Variants in EFHC1 observed in about 807,000 individuals in gnomAD.
EFHC1 encodes the protein EF-hand domain containing 1.
In EFHC1, 53 loss-of-function variants were observed where a neutral mutation model predicts 69.9. That is an observed-to-expected ratio of 0.76 (90% CI 0.61 to 0.95). The LOEUF is 0.95. Ranked by LOEUF, EFHC1 falls within the 40% of genes least tolerant of loss-of-function variation. EFHC1 has a pLI of 0.00. For synonymous variants in EFHC1, 256 were observed against 278.4 expected (o/e 0.92, Z 0.80); for missense variants, 739 against 798.7 (o/e 0.93, Z 0.90).
In EFHC1 at chr6:52,495,687, C is replaced by T. The variant is rs1410888771; in HGVS notation, c.*3346C>T. ...CACTGCAGCCTCAAACTCCTGGGCTCATGCAATCCTCCTGCCTCAGCCTTC... is the reference window on the plus strand; with the variant it reads ...CACTGCAGCCTCAAACTCCTGGGCTTATGCAATCCTCCTGCCTCAGCCTTC... On this transcript the variant is annotated 3_prime_UTR_variant, in exon 11 of 11. Transcript: ENST00000371068. The T allele has an allele frequency of 4.6e-6, 2 of 431,326 alleles. No homozygotes were observed. The highest frequency in any genetic ancestry group is 2.5e-5 in the Admixed American group (1 of 40,776). 26.7% of individuals were successfully genotyped at this position (431,326 alleles called of 1,614,324 possible).
chr6:52,440,907 T>C (rs1764648681), intron 3 of EFHC1, among the ~76,000 whole-genome samples: 1 of 152,172 alleles, frequency 6.6e-6, no homozygotes, highest in Non-Finnish European at 1.5e-5. Flanking sequence ...TTTTTTTTCA[T>C]ATGGTTATTG....
chr6:52,488,087 C>G (rs1195288953), intron 9 of EFHC1: 1 of 152,184 alleles, frequency 6.6e-6, no homozygotes, highest in African/African-American at 2.4e-5. Flanking sequence ...GGGAATCTGG[C>G]TTCTTTGGGA....
intron 2 of EFHC1, 150 bp from the exon 3 acceptor site, chr6:52,438,154 G>C: frequency 1.3e-6 from 1 of 787,576 alleles, no homozygotes; most frequent in African/African-American, 1.7e-5. Flanking sequence ...TGCAGTATCT[G>C]TAGTTTTAGA....
chr6:52,454,243 T>G lies in EFHC1; in HGVS notation c.872T>G (p.Leu291Arg), dbSNP rs1764989278. 3.7e-6 allele frequency: 6 copies of G among 1,614,102 alleles called. No homozygotes were observed. The highest frequency in any genetic ancestry group is 1.6e-4 in the Middle Eastern group (1 of 6,084). ...RNDGRDPFPLLMNRQRVPKVL... is the reference protein window; with the variant it reads ...RNDGRDPFPLRMNRQRVPKVL... Reference sequence around the variant, plus strand: ...GATGGGAGAGATCCTTTCCCACTCCTAATGAACCGCCAGCGTGTGCCCAAA... The same window carrying G: ...GATGGGAGAGATCCTTTCCCACTCCGAATGAACCGCCAGCGTGTGCCCAAA... Residue 291 changes from leucine to arginine, a missense_variant, in exon 5 of 11, where the codon CTA becomes CGA. Leu to Arg is a moderately radical substitution (Grantham distance 102, BLOSUM62 -2). Transcript: ENST00000371068.
intron 2 of EFHC1, among the ~76,000 whole-genome samples, chr6:52,436,410 G>C (rs760597256): frequency 3.3e-5 from 5 of 151,558 alleles, no homozygotes; most frequent in Non-Finnish European, 7.4e-5. Flanking sequence ...TCCGTGTATA[G>C]AATTATTTCA....
At chr6:52,444,693 G>A (rs1436565507) in intron 3 of EFHC1, among the ~76,000 whole-genome samples, 2 of 152,160 alleles carry the variant, frequency 1.3e-5, no homozygotes, top group Admixed American at 6.5e-5. Context: ...CGGTTTGCCA[G>A]TATTTTATGG....
rs1221173638 is a variant in EFHC1, at chr6:52,494,852, CCATGTTGCTGCAGAATA to C, written c.*2516_*2532del. The C allele has an allele frequency of 2.2e-6, 1 of 451,978 alleles. No individual in the cohort carries two copies. The highest frequency in any genetic ancestry group is 1.6e-5 in the South Asian group (1 of 64,344). 28.0% of individuals were successfully genotyped at this position (451,978 alleles called of 1,614,324 possible). On this transcript the variant is annotated 3_prime_UTR_variant, in exon 11 of 11. Transcript: ENST00000371068. ...TTAGGATAATGGCCTCCAGCTGCATCCATGTTGCTGCAGAATACATGATTTCATTTTTTATGGCTGCG... is the reference window on the plus strand; with the variant it reads ...TTAGGATAATGGCCTCCAGCTGCATCCATGATTTCATTTTTTATGGCTGCG...
chr6:52,453,572 ATTT>A lies in EFHC1; in HGVS notation c.724-521_724-519del, dbSNP rs1362143893. The A allele has an allele frequency of 7.9e-6, 10 of 1,271,674 alleles. No homozygotes were observed. In the Admixed American group the frequency reaches 1.9e-4, roughly 25 times the overall value. 78.8% of individuals were successfully genotyped at this position (1,271,674 alleles called of 1,614,324 possible). ...TCATATCAGTCATATATCTGTTATT[ATTT>A]TGTATTTAAAGATTGTGTTTATTCC... On this transcript the variant is annotated intron_variant, in intron 4 of 10. Transcript: ENST00000371068.
At chr6:52,468,814 A>G (rs1293910239) in intron 6 of EFHC1, 2 of 165,144 alleles carry the variant, frequency 1.2e-5, no homozygotes, top group South Asian at 3.0e-4. Flanking sequence ...CATGATTACC[A>G]CATTAACTAC....
intron 9 of EFHC1, chr6:52,486,786 A>G (rs748535586): frequency 1.3e-5 from 2 of 151,944 alleles, no homozygotes; most frequent in Non-Finnish European, 2.9e-5. Context: ...GTCTGTAACC[A>G]CTTTCCTCCT....
At chr6:52,477,818 A>G (rs1006708015) in intron 7 of EFHC1, among the ~76,000 whole-genome samples, 10 of 152,206 alleles carry the variant, frequency 6.6e-5, no homozygotes, top group African/African-American at 2.4e-4. Flanking sequence ...ACACTTTTAC[A>G]CTGTTGGTGG....
At chr6:52,425,936 T>C (rs2113968339) in intron 2 of EFHC1, among the ~76,000 whole-genome samples, 1 of 152,304 alleles carries the variant, frequency 6.6e-6, no homozygotes, top group African/African-American at 2.4e-5. Flanking sequence ...CTATTCCAAG[T>C]GCCCTCATCT....
Position 52,420,472 on chromosome 6 carries a change from C to A in EFHC1, c.62C>A (p.Thr21Lys). 1 of 1,614,188 alleles carries A rather than the reference C, an allele frequency of 6.2e-7. No individual in the cohort carries two copies. The highest frequency in any genetic ancestry group is 8.5e-7 in the Non-Finnish European group (1 of 1,180,030). Reference protein sequence around the residue: ...FLPGTSFKDSTKTAFHRSQTL... With the variant: ...FLPGTSFKDSKKTAFHRSQTL... ...CCGGGCACGTCCTTTAAGGACTCTACGGTGAGCAGTTATCTGCCAGACTCC... is the reference window on the plus strand; with the variant it reads ...CCGGGCACGTCCTTTAAGGACTCTAAGGTGAGCAGTTATCTGCCAGACTCC... Residue 21 changes from threonine to lysine, a missense_variant and splice_region_variant, in exon 1 of 11, where the codon ACG becomes AAG. Transcript: ENST00000371068.
Position 52,424,132 on chromosome 6 carries a change from G to A in EFHC1, c.250G>A (p.Asp84Asn). 6.2e-7 allele frequency: 1 copy of A among 1,614,098 alleles called. No individual in the cohort carries two copies. The highest frequency in any genetic ancestry group is 8.5e-7 in the Non-Finnish European group (1 of 1,179,964). Residue 84 changes from aspartate (D) to asparagine (N), a missense_variant, in exon 2 of 11, where the codon GAT becomes AAT. By Grantham distance (23) the Asp-to-Asn change is conservative (BLOSUM62 1). Transcript: ENST00000371068. ...YGQPKQAPPA[D>N]FIPAHVAFDK... ...CCAACCTAAACAAGCCCCACCTGCGGATTTTATTCCTGCGCATGTGGCCTT... is the reference window on the plus strand; with the variant it reads ...CCAACCTAAACAAGCCCCACCTGCGAATTTTATTCCTGCGCATGTGGCCTT...
At chr6:52,449,837 T>C (rs1054495615) in intron 3 of EFHC1, among the ~76,000 whole-genome samples, 2 of 152,224 alleles carry the variant, frequency 1.3e-5, no homozygotes, top group Non-Finnish European at 2.9e-5. Context: ...TGGTTATTCC[T>C]TGTCTTCTGC....
In EFHC1 at chr6:52,420,342, A is replaced by G. The variant is rs532246160; in HGVS notation, c.-69A>G. 6.2e-7 allele frequency: 1 copy of G among 1,600,256 alleles called. No homozygotes were observed. The highest frequency in any genetic ancestry group is 8.6e-7 in the Non-Finnish European group (1 of 1,167,454). On this transcript the variant is annotated 5_prime_UTR_variant, in exon 1 of 11. Coordinates refer to ENST00000371068, the MANE Select transcript of EFHC1 (RefSeq NM_018100.4). ...ATGGATCCTGGAGGTGCCCGCGAAC[A>G]CTGCTTGTCGCCTGGGCAACCGGAG...
chr6:52,430,166 T>C (rs1320106231), intron 2 of EFHC1: 1 of 152,192 alleles, frequency 6.6e-6, no homozygotes, highest in Non-Finnish European at 1.5e-5. Context: ...CAGTGACAGT[T>C]TGACTTCTTT....
chr6:52,478,303 A>T (rs1765589063), intron 7 of EFHC1, among the ~76,000 whole-genome samples: 1 of 152,086 alleles, frequency 6.6e-6, no homozygotes, highest in Non-Finnish European at 1.5e-5. Context: ...GAGGGATAGC[A>T]TTGGGAGATA....
rs1764587900 is a variant in EFHC1 at position 52,438,523 on chromosome 6, A to G, written c.505A>G (p.Asn169Asp). The change falls in exon 3 of 11, where the codon AAT becomes GAT. Residue 169 changes from asparagine (N) to aspartate (D), a missense_variant. By Grantham distance (23) the Asn-to-Asp change is conservative. Coordinates refer to ENST00000371068, the MANE Select transcript of EFHC1 (RefSeq NM_018100.4). ...RGDHYHWKDL[N>D]RGINITIYGK... ...TGACCATTACCATTGGAAAGACCTAAATCGAGGAATAAACATCACAATTTA... is the reference window on the plus strand; with the variant it reads ...TGACCATTACCATTGGAAAGACCTAGATCGAGGAATAAACATCACAATTTA... The G allele has an allele frequency of 6.2e-6, 10 of 1,613,966 alleles. No individual in the cohort carries two copies. The highest frequency in any genetic ancestry group is 8.5e-6 in the Non-Finnish European group (10 of 1,179,984).
Sources: allele counts gnomAD v4.1 joint callset (sites outside exome capture counted in the v4.1 genomes callset), GRCh38; gene constraint gnomAD v4.1.1; transcripts MANE v1.5; gene names NCBI Gene and HGNC (gene_info 2026-07-23, HGNC 2026-07-21).